Variants in BMAL1 observed in about 807,000 individuals in gnomAD.
BMAL1 encodes basic helix-loop-helix ARNT like 1, also known as basic helix-loop-helix ARNT-like protein 1.
the BMAL1 span, among the ~76,000 whole-genome samples, chr11:13,348,253 C>A: frequency 6.6e-6 from 1 of 152,170 alleles, no homozygotes; most frequent in African/African-American, 2.4e-5. Context: ...GAACTCTTGT[C>A]TTTTAGTCTG....
the BMAL1 span, among the ~76,000 whole-genome samples, chr11:13,328,108 G>A: frequency 1.3e-5 from 2 of 152,202 alleles, no homozygotes; most frequent in African/African-American, 4.8e-5. Flanking sequence ...ATTTTGATGA[G>A]ATGTACCTGC....
chr11:13,372,958 A>C, the BMAL1 span, among the ~76,000 whole-genome samples: 5 of 152,198 alleles, frequency 3.3e-5, no homozygotes, highest in African/African-American at 1.2e-4. Context: ...AAAGAAAAAC[A>C]GTAGGGATAG....
At chr11:13,288,424 CT>C in the BMAL1 span, among the ~76,000 whole-genome samples, 3,017 of 113,758 alleles carry the variant, frequency 0.027, 248 homozygotes, top group African/African-American at 0.11. Context: ...CTTTTTTTTT[CT>C]TTTTTTTTTT....
the BMAL1 span, among the ~76,000 whole-genome samples, chr11:13,361,091 G>A: frequency 6.6e-6 from 1 of 152,186 alleles, no homozygotes; most frequent in Non-Finnish European, 1.5e-5. Context: ...GCAACAGAGT[G>A]AGACTCTGTC....
At chr11:13,312,587 G>A in the BMAL1 span, among the ~76,000 whole-genome samples, 1 of 152,190 alleles carries the variant, frequency 6.6e-6, no homozygotes, top group Non-Finnish European at 1.5e-5. Flanking sequence ...AATAGCGCTA[G>A]AAGGCATGAG....
At chr11:13,324,563 C>G in the BMAL1 span, among the ~76,000 whole-genome samples, 1 of 152,222 alleles carries the variant, frequency 6.6e-6, no homozygotes, top group Non-Finnish European at 1.5e-5. Context: ...CCATTCTGTC[C>G]TACCTCGCTT....
the BMAL1 span, among the ~76,000 whole-genome samples, chr11:13,348,440 C>T: frequency 3.3e-5 from 5 of 151,910 alleles, no homozygotes; most frequent in East Asian, 1.9e-4. Flanking sequence ...GGGCTGGAGA[C>T]GACAGCAGAC....
the BMAL1 span, among the ~76,000 whole-genome samples, chr11:13,365,959 T>C: frequency 6.6e-6 from 1 of 152,222 alleles, no homozygotes; most frequent in African/African-American, 2.4e-5. Context: ...ATACTGTGTT[T>C]GCAGTGCTGT....
chr11:13,358,187 A>G, the BMAL1 span, among the ~76,000 whole-genome samples: 1 of 152,248 alleles, frequency 6.6e-6, no homozygotes, highest in Non-Finnish European at 1.5e-5. Flanking sequence ...CTCTGAAGAG[A>G]CAATTTTTGT....
At chr11:13,307,249 G>A in the BMAL1 span, among the ~76,000 whole-genome samples, 15 of 152,368 alleles carry the variant, frequency 9.8e-5, no homozygotes, top group East Asian at 2.5e-3. Context: ...GGAGATTAAA[G>A]CAGGGGACTT....
the BMAL1 span, among the ~76,000 whole-genome samples, chr11:13,343,769 A>G: frequency 1.3e-5 from 2 of 152,180 alleles, no homozygotes; most frequent in Non-Finnish European, 2.9e-5. Context: ...ACCAACCCTC[A>G]GTAGCTGTCT....
the BMAL1 span, among the ~76,000 whole-genome samples, chr11:13,374,406 A>C: frequency 6.6e-6 from 1 of 152,174 alleles, no homozygotes. Flanking sequence ...TGCTGACTGC[A>C]TGGCAGTTTC....
chr11:13,359,026 C>T, the BMAL1 span, among the ~76,000 whole-genome samples: 1 of 152,182 alleles, frequency 6.6e-6, no homozygotes, highest in Non-Finnish European at 1.5e-5. Flanking sequence ...AAAAGTGAGT[C>T]ATGGGTTGTG....
At chr11:13,381,019 G>C in the BMAL1 span, 3 of 690,676 alleles carry the variant, frequency 4.3e-6, no homozygotes, top group African/African-American at 1.8e-5. Flanking sequence ...ATGGCCTAGA[G>C]AGCCTACTAT....
At chr11:13,373,740 C>G in the BMAL1 span, among the ~76,000 whole-genome samples, 1 of 152,200 alleles carries the variant, frequency 6.6e-6, no homozygotes, top group Non-Finnish European at 1.5e-5. Flanking sequence ...AATTCCTGAG[C>G]TCAGACAATC....
chr11:13,282,815 A>G, the BMAL1 span, among the ~76,000 whole-genome samples: 18 of 152,360 alleles, frequency 1.2e-4, no homozygotes, highest in East Asian at 2.9e-3. Context: ...TTCCAAAATG[A>G]CAGGCACAGG....
chr11:13,286,112 G>A, the BMAL1 span, among the ~76,000 whole-genome samples: 12 of 152,280 alleles, frequency 7.9e-5, no homozygotes, highest in South Asian at 1.0e-3. Flanking sequence ...GTTTCTAGGC[G>A]AGCCCTCAAA....
At chr11:13,334,143 G>A in the BMAL1 span, among the ~76,000 whole-genome samples, 1 of 152,010 alleles carries the variant, frequency 6.6e-6, no homozygotes, top group Non-Finnish European at 1.5e-5. Context: ...ACTAAGGAAC[G>A]AGGGCTCACA....
chr11:13,335,986 T>C, the BMAL1 span, among the ~76,000 whole-genome samples: 1 of 150,522 alleles, frequency 6.6e-6, no homozygotes, highest in Non-Finnish European at 1.5e-5. Flanking sequence ...TTTTTGACAA[T>C]ATGAAAGAGC....
Sources: allele counts gnomAD v4.1 joint callset (sites outside exome capture counted in the v4.1 genomes callset), GRCh38; gene constraint gnomAD v4.1.1; transcripts MANE v1.5; gene names NCBI Gene and HGNC (gene_info 2026-07-23, HGNC 2026-07-21).